The following FAM178B variants were observed in gnomAD, a reference collection of about 807,000 sequenced individuals.
FAM178B encodes the protein family with sequence similarity 178 member B.
FAM178B carries 82 observed loss-of-function variants against 91.7 expected under a neutral mutation model. The observed-to-expected ratio is 0.89, with a 90% CI of 0.75 to 1.07. The LOEUF is 1.07. Ranked by LOEUF, FAM178B falls within the 50% of genes least tolerant of loss-of-function variation. The pLI, the probability that FAM178B is intolerant of heterozygous loss-of-function variation, is 0.00. For synonymous variants in FAM178B, 368 were observed against 359.4 expected (o/e 1.02, Z -0.27); for missense variants, 769 against 846.7 (o/e 0.91, Z 1.14).
intron 12 of FAM178B, among the ~76,000 whole-genome samples, chr2:96,919,980 C>T (rs1037338819): frequency 2.6e-5 from 4 of 152,192 alleles, no homozygotes; most frequent in Middle Eastern, 3.2e-3. Context: ...AGCCGGCTCC[C>T]AGAGACCACC....
At chr2:96,934,144 C>T (rs909573741) in intron 8 of FAM178B, among the ~76,000 whole-genome samples, 7 of 152,172 alleles carry the variant, frequency 4.6e-5, no homozygotes, top group African/African-American at 7.2e-5. Context: ...GCCCTGCTCT[C>T]GGGTTGTTGG....
At chr2:96,948,726 C>T (rs1263746723) in intron 7 of FAM178B, among the ~76,000 whole-genome samples, 1 of 152,222 alleles carries the variant, frequency 6.6e-6, no homozygotes, top group African/African-American at 2.4e-5. Flanking sequence ...AGTGTCGCTG[C>T]CAGGGCCCTG....
chr2:96,981,766 A>AG, intron 1 of FAM178B, among the ~76,000 whole-genome samples: 1 of 151,060 alleles, frequency 6.6e-6, no homozygotes, highest in African/African-American at 2.4e-5. Context: ...AAAAAAAGAA[A>AG]GAAAGAAACT....
chr2:96,913,257 T>C lies in FAM178B; in HGVS notation c.1562+7908A>G, dbSNP rs550210871. ...GCAGAGGCTTCAGCAGCAGGAAGCA[T>C]GGAGTCTGCTAAGGTCCCCAGGAGG... On this transcript the variant is annotated intron_variant, in intron 12 of 16. Transcript: ENST00000490605. Among the ~76,000 whole-genome samples, 25 of 152,162 alleles carry C rather than the reference T, an allele frequency of 1.6e-4. No individual in the cohort carries two copies. The South Asian group carries it at 5.0e-3, about 30-fold the overall frequency.
rs146008916 is a variant in FAM178B at position 96,912,545 on chromosome 2, C to T, written c.1562+8620G>A. Among the ~76,000 whole-genome samples, 8 of 152,108 alleles carry T rather than the reference C, an allele frequency of 5.3e-5. No homozygotes were observed. The East Asian group carries it at 9.7e-4, about 18-fold the overall frequency. On this transcript the variant is annotated intron_variant, in intron 12 of 16. Coordinates refer to ENST00000490605, the MANE Select transcript of FAM178B (RefSeq NM_001122646.3). ...TGCTGGTTGCTCATCAGGAAGAGCC[C>T]GAGAGGTCCCTGGTGACGGAGCAGC...
intron 8 of FAM178B, among the ~76,000 whole-genome samples, chr2:96,930,888 A>C (rs2081528642): frequency 6.6e-6 from 1 of 152,188 alleles, no homozygotes; most frequent in African/African-American, 2.4e-5. Flanking sequence ...CCCTTCTGCC[A>C]CATAAGGAAT....
At chr2:96,983,331 C>T (rs1037775300) in intron 1 of FAM178B, among the ~76,000 whole-genome samples, 1 of 152,158 alleles carries the variant, frequency 6.6e-6, no homozygotes, top group Non-Finnish European at 1.5e-5. Flanking sequence ...TTCTTACATT[C>T]TAGAAGTACC....
rs1327190451 is a variant in FAM178B, at chr2:96,970,012, A to AACAAC, written c.626+699_626+703dup. Among the ~76,000 whole-genome samples the AACAAC allele has an allele frequency of 2.6e-5, 4 of 152,324 alleles. No individual in the cohort carries two copies. In the South Asian group the frequency reaches 6.2e-4, roughly 24 times the overall value. ...ACACAATGGACATGCACTGAACAAA[A>AACAAC]ACAACACAACACAACAACGGGAGAG... On this transcript the variant is annotated intron_variant, in intron 4 of 16. Transcript: ENST00000490605.
chr2:96,981,683 GT>G, intron 1 of FAM178B, among the ~76,000 whole-genome samples: 1 of 148,356 alleles, frequency 6.7e-6, no homozygotes, highest in African/African-American at 2.5e-5. Context: ...GGAGCTTGCA[GT>G]GAGCCGAGAT....
chr2:96,984,848 ATCT>A (rs2082403836), intron 1 of FAM178B, among the ~76,000 whole-genome samples: 1 of 152,188 alleles, frequency 6.6e-6, no homozygotes, highest in Non-Finnish European at 1.5e-5. Flanking sequence ...GAGGTGGGTC[ATCT>A]TCTCTGCCTG....
chr2:96,960,531 C>T lies in FAM178B; in HGVS notation c.735-91G>A. ...TAGCCCAGGGAAGGATAGAGGGGGGCCACGGGCTCCCTGCCTTGCAGTCCT... is the reference window on the plus strand; with the variant it reads ...TAGCCCAGGGAAGGATAGAGGGGGGTCACGGGCTCCCTGCCTTGCAGTCCT... On this transcript the variant is annotated intron_variant, in intron 5 of 16. Coordinates refer to ENST00000490605, the MANE Select transcript of FAM178B (RefSeq NM_001122646.3). 2.9e-6 allele frequency: 4 copies of T among 1,391,882 alleles called. No individual in the cohort carries two copies. In the South Asian group the frequency reaches 5.9e-5, roughly 21 times the overall value. 86.2% of individuals were successfully genotyped at this position (1,391,882 alleles called of 1,614,324 possible).
chr2:96,966,049 C>T (rs970189750), intron 5 of FAM178B, among the ~76,000 whole-genome samples: 7 of 152,226 alleles, frequency 4.6e-5, no homozygotes, highest in African/African-American at 9.6e-5. Flanking sequence ...CTCAACACAG[C>T]GGCCAGAGGG....
intron 6 of FAM178B, among the ~76,000 whole-genome samples, chr2:96,953,437 C>T (rs758494124): frequency 6.6e-6 from 1 of 152,206 alleles, no homozygotes; most frequent in Non-Finnish European, 1.5e-5. Context: ...GGCACCCCGC[C>T]AGTTTCTTAG....
rs60965536 is a variant in FAM178B, at chr2:96,967,911, CTTTTTTT to C, written c.627-291_627-285del. Among the ~76,000 whole-genome samples the C allele has an allele frequency of 3.3e-3, 203 of 62,442 alleles. 3 individuals carry two copies. The East Asian group carries it at 0.057, about 18-fold the overall frequency. The allele number at this position is 62,442 out of a possible 152,430, so 41.0% of individuals were successfully genotyped here. A position where few individuals can be genotyped will look rare whatever the true frequency, so the allele number is the denominator to read the frequency against. On this transcript the variant is annotated intron_variant, in intron 4 of 16. Transcript: ENST00000490605. Reference sequence around the variant, plus strand: ...TCTTTACTTGTGTACCCTGTTTGGTCTTTTTTTTTTTTTTTTTTTTTTTTTTTGATAC... The same window carrying C: ...TCTTTACTTGTGTACCCTGTTTGGTCTTTTTTTTTTTTTTTTTTTTGATAC...
At chr2:96,892,830 C>A (rs1250424912) in intron 14 of FAM178B, among the ~76,000 whole-genome samples, 2 of 152,184 alleles carry the variant, frequency 1.3e-5, no homozygotes, top group Non-Finnish European at 2.9e-5. Flanking sequence ...CCCACCTCCT[C>A]TCTAGAGGCC....
intron 6 of FAM178B, among the ~76,000 whole-genome samples, chr2:96,958,253 G>A (rs1376498140): frequency 6.6e-6 from 1 of 152,004 alleles, no homozygotes; most frequent in African/African-American, 2.4e-5. Flanking sequence ...TGTATTTTTA[G>A]TAGAGACGTG....
chr2:96,892,438 G>A (rs1455703257), intron 14 of FAM178B, among the ~76,000 whole-genome samples: 1 of 152,192 alleles, frequency 6.6e-6, no homozygotes, highest in Non-Finnish European at 1.5e-5. Flanking sequence ...GCTGCACGGT[G>A]CCTCCATGTT....
intron 1 of FAM178B, among the ~76,000 whole-genome samples, chr2:96,977,455 T>TC (rs1240065991): frequency 6.7e-6 from 1 of 148,492 alleles, no homozygotes; most frequent in African/African-American, 2.5e-5. Context: ...TTTGGGAATT[T>TC]TTTTTTTTTT....
intron 8 of FAM178B, 91 bp from the exon 9 acceptor site, chr2:96,929,411 C>T: frequency 5.7e-6 from 5 of 880,830 alleles, no homozygotes; most frequent in South Asian, 3.1e-5. Flanking sequence ...TGACCCCTGG[C>T]CCAAGATAAC....
Sources: allele counts gnomAD v4.1 joint callset (sites outside exome capture counted in the v4.1 genomes callset), GRCh38; gene constraint gnomAD v4.1.1; transcripts MANE v1.5; gene names NCBI Gene and HGNC (gene_info 2026-07-23, HGNC 2026-07-21).